CDH13: variants seen among roughly 807,000 people sequenced by gnomAD.
The protein encoded by CDH13 is cadherin-13.
A neutral mutation model predicts 63.8 loss-of-function variants in CDH13; 24 were observed. That is an observed-to-expected ratio of 0.38 (90% CI 0.27 to 0.53). The LOEUF (loss-of-function observed/expected upper bound fraction) is 0.53, where lower values mean the gene tolerates loss of function less well. Among genes scored for constraint, CDH13 ranks in the 20% least tolerant of loss-of-function variants. The pLI is 0.85. For synonymous variants in CDH13, 503 were observed against 355.3 expected (o/e 1.42, Z -4.67); for missense variants, 1,049 against 903.1 (o/e 1.16, Z -2.07).
chr16:83,202,224 C>G (rs1045711847), intron 4 of CDH13, among the ~76,000 whole-genome samples: 2 of 152,142 alleles, frequency 1.3e-5, no homozygotes, highest in Admixed American at 6.5e-5. Context: ...CTCTGGGTCA[C>G]AAAGGGCAGC....
At chr16:83,214,326 T>A (rs917635104) in intron 4 of CDH13, among the ~76,000 whole-genome samples, 10 of 152,084 alleles carry the variant, frequency 6.6e-5, no homozygotes, top group Middle Eastern at 3.4e-3. Context: ...ACACCTGTAA[T>A]CCCAGCACTT....
At chr16:82,777,415 C>A (rs1050793954) in intron 1 of CDH13, among the ~76,000 whole-genome samples, 1 of 152,194 alleles carries the variant, frequency 6.6e-6, no homozygotes, top group Non-Finnish European at 1.5e-5. Context: ...TGTCACCGGG[C>A]TTTAATTTTG....
At chr16:83,442,372 T>C (rs538655908) in intron 6 of CDH13, among the ~76,000 whole-genome samples, 1 of 152,290 alleles carries the variant, frequency 6.6e-6, no homozygotes, top group Admixed American at 6.5e-5. Flanking sequence ...CATGAGCAGC[T>C]ATTCCAAAGC....
intron 1 of CDH13, among the ~76,000 whole-genome samples, chr16:82,708,046 C>T (rs77666922): frequency 9.9e-5 from 15 of 152,282 alleles, no homozygotes; most frequent in East Asian, 9.7e-4. Context: ...GTTGCTCAGA[C>T]GTCACCTTGG....
At chr16:82,945,901 C>G (rs897690462) in intron 2 of CDH13, among the ~76,000 whole-genome samples, 1 of 152,072 alleles carries the variant, frequency 6.6e-6, no homozygotes, top group East Asian at 1.9e-4. Flanking sequence ...ACTCTCAGTT[C>G]CTTTGGTGGC....
intron 6 of CDH13, among the ~76,000 whole-genome samples, chr16:83,453,405 C>A (rs1007981009): frequency 2.0e-5 from 3 of 151,916 alleles, no homozygotes; most frequent in African/African-American, 7.3e-5. Flanking sequence ...CAACATTGAT[C>A]ATGAAAAAAA....
At chr16:82,677,031 C>T (rs1914006710) in intron 1 of CDH13, among the ~76,000 whole-genome samples, 1 of 152,260 alleles carries the variant, frequency 6.6e-6, no homozygotes, top group African/African-American at 2.4e-5. Flanking sequence ...CTACAGGCAC[C>T]TGCCACCACA....
chr16:82,998,983 AT>A (rs925222377), intron 2 of CDH13, among the ~76,000 whole-genome samples: 12 of 150,208 alleles, frequency 8.0e-5, no homozygotes, highest in African/African-American at 2.9e-4. Context: ...ATGAATATTT[AT>A]CTTAATCAAG....
chr16:83,296,632 C>T (rs937311853), intron 5 of CDH13, among the ~76,000 whole-genome samples: 1 of 152,164 alleles, frequency 6.6e-6, no homozygotes, highest in Non-Finnish European at 1.5e-5. Context: ...CACAAGTACA[C>T]ACACACACAC....
intron 3 of CDH13, among the ~76,000 whole-genome samples, chr16:83,054,454 G>A (rs1005559861): frequency 5.9e-5 from 9 of 152,160 alleles, no homozygotes; most frequent in African/African-American, 2.2e-4. Context: ...CACAGCTACT[G>A]AGTAACTAAT....
chr16:82,936,134 G>C (rs1015866659), intron 2 of CDH13, among the ~76,000 whole-genome samples: 5 of 152,134 alleles, frequency 3.3e-5, no homozygotes, highest in African/African-American at 1.2e-4. Flanking sequence ...AAGGAAGACG[G>C]AGCTGCCATC....
chr16:83,389,917 G>C (rs964717709), intron 6 of CDH13, among the ~76,000 whole-genome samples: 1 of 152,180 alleles, frequency 6.6e-6, no homozygotes, highest in Non-Finnish European at 1.5e-5. Flanking sequence ...ATCAAAGCTG[G>C]GAGTCTCTCC....
intron 5 of CDH13, among the ~76,000 whole-genome samples, chr16:83,279,186 C>G (rs2089085315): frequency 6.6e-6 from 1 of 151,710 alleles, no homozygotes; most frequent in Non-Finnish European, 1.5e-5. Flanking sequence ...AATTCCATGT[C>G]ATAGATACAA....
intron 6 of CDH13, among the ~76,000 whole-genome samples, chr16:83,382,279 G>A (rs1212083497): frequency 6.6e-6 from 1 of 152,132 alleles, no homozygotes; most frequent in African/African-American, 2.4e-5. Flanking sequence ...AGCATCATCT[G>A]CATCTCCACC....
At chr16:82,658,969 G>A (rs934074652) in intron 1 of CDH13, among the ~76,000 whole-genome samples, 1 of 152,158 alleles carries the variant, frequency 6.6e-6, no homozygotes, top group African/African-American at 2.4e-5. Flanking sequence ...AGTTCCTAAA[G>A]CTGACTCTAT....
chr16:83,085,833 TG>T (rs2033557530), intron 3 of CDH13, among the ~76,000 whole-genome samples: 1 of 152,228 alleles, frequency 6.6e-6, no homozygotes, highest in South Asian at 2.1e-4. Flanking sequence ...AAGCTCTTGA[TG>T]GGGAATAGTC....
intron 4 of CDH13, among the ~76,000 whole-genome samples, chr16:83,183,545 C>G (rs958525348): frequency 6.6e-6 from 1 of 152,180 alleles, no homozygotes; most frequent in Non-Finnish European, 1.5e-5. Context: ...TGGAATTAAA[C>G]TCAATTTTTC....
rs182382872 is a variant in CDH13 at position 82,740,389 on chromosome 16, T to G, written c.45+113252T>G. 7.2e-3 allele frequency among the ~76,000 whole-genome samples: 1,100 copies of G among 152,344 alleles called. 5 individuals are homozygous for G. Among genetic ancestry groups the G allele is most frequent in the Non-Finnish European group, 0.011 (742 of 68,034 alleles). On this transcript the variant is annotated intron_variant, in intron 1 of 13. Coordinates refer to ENST00000567109, the MANE Select transcript of CDH13 (RefSeq NM_001257.5). ...TTGTATTATCCCACTTTCCAGATAA[T>G]GTACAGCGTATTAGCCCAACCCGCT...
rs566343730 is a variant in CDH13, at chr16:83,248,440, C to T, written c.636+30943C>T. On this transcript the variant is annotated intron_variant, in intron 5 of 13. Transcript: ENST00000567109. ...GCAAATCAGCAGCAGGAAGCCCTGT[C>T]ACATGCAGGTGTCATTGTATCATCA... Among the ~76,000 whole-genome samples, 341 of 152,288 alleles carry T rather than the reference C, an allele frequency of 2.2e-3. 4 individuals are homozygous for T. The highest frequency in any genetic ancestry group is 2.8e-3 in the Non-Finnish European group (192 of 68,022).
Sources: gnomAD v4.1 joint callset for allele counts (sites outside exome capture counted in the v4.1 genomes callset) on GRCh38, gnomAD v4.1.1 for gene constraint, MANE v1.5 for transcripts, NCBI Gene and HGNC (gene_info 2026-07-23, HGNC 2026-07-21) for gene names.